The following KDM8 variants were observed in gnomAD, a reference collection of about 807,000 sequenced individuals.
The protein encoded by KDM8 is lysine demethylase 8.
A neutral mutation model predicts 46.9 loss-of-function variants in KDM8; 35 were observed. That is an observed-to-expected ratio of 0.75 (90% CI 0.57 to 0.99). The LOEUF (loss-of-function observed/expected upper bound fraction) is 0.99. Among genes scored for constraint, KDM8 ranks in the 50% least tolerant of loss-of-function variants. The probability of loss-of-function intolerance (pLI) is 0.00; values close to 1 mark genes in which losing one functional copy is unlikely to be tolerated. For missense variants in KDM8, 475 were observed against 537.0 expected (o/e 0.88, Z 1.14); for synonymous variants, 232 against 227.7 (o/e 1.02, Z -0.17).
chr16:27,204,183 G>A (rs2083405771), intron 1 of KDM8: 5 of 1,491,500 alleles, frequency 3.4e-6, no homozygotes, highest in East Asian at 5.6e-5. Flanking sequence ...GGGGTACGGG[G>A]GACCCTCTGG....
intron 1 of KDM8, among the ~76,000 whole-genome samples, chr16:27,205,227 G>C (rs1334124348): frequency 1.3e-5 from 2 of 152,036 alleles, no homozygotes; most frequent in South Asian, 4.1e-4. Context: ...TTTTTGTTTA[G>C]TACGACCAAC....
In KDM8 at chr16:27,210,351, G is replaced by A; in HGVS notation, c.228G>A (p.Trp76Ter). Residue 76 changes from tryptophan to a stop codon, truncating the protein, a stop_gained, in exon 2 of 8, where the codon TGG (tryptophan) becomes TGA (stop). Transcript: ENST00000286096. LOFTEE classifies it high-confidence loss of function. ...QSSEVILDYS[W>*]EKLNTGTWQD... Reference sequence around the variant, plus strand: ...GCGAGGTGATCCTGGACTACTCCTGGGAGAAGCTCAACACGGGCACATGGC... The same window carrying A: ...GCGAGGTGATCCTGGACTACTCCTGAGAGAAGCTCAACACGGGCACATGGC... 7.4e-6 allele frequency: 12 copies of A among 1,613,342 alleles called. No homozygotes were observed. Among genetic ancestry groups the A allele is most frequent in the Non-Finnish European group, 1.0e-5 (12 of 1,180,032 alleles).
chr16:27,218,465 G>A (rs1420332961), intron 5 of KDM8, among the ~76,000 whole-genome samples: 15 of 152,206 alleles, frequency 9.9e-5, no homozygotes, highest in South Asian at 2.1e-4. Context: ...TGCCTTTCTC[G>A]TCAGGCAGTT....
At chr16:27,209,418 C>T (rs1351240752) in intron 1 of KDM8, among the ~76,000 whole-genome samples, 2 of 152,172 alleles carry the variant, frequency 1.3e-5, no homozygotes, top group Non-Finnish European at 2.9e-5. Flanking sequence ...GTAGAGACGG[C>T]GTCTTGCCAT....
At position 27,220,868 on chromosome 16, in the gene KDM8, G is replaced by C. The variant is rs2083615862; in HGVS notation, c.*138G>C. 2 of 1,038,286 alleles carry C rather than the reference G, an allele frequency of 1.9e-6. No homozygotes were observed. Among genetic ancestry groups the C allele is most frequent in the Non-Finnish European group, 2.9e-6 (2 of 678,340 alleles). 64.3% of individuals were successfully genotyped at this position (1,038,286 alleles called of 1,614,324 possible). On this transcript the variant is annotated 3_prime_UTR_variant, in exon 8 of 8. Coordinates refer to ENST00000286096, the MANE Select transcript of KDM8 (RefSeq NM_024773.3). ...CCTTCACTGCCCAGTGGCAGCCCTG[G>C]GGGGCTGAGCTCCAGCACTGGACAG...
chr16:27,206,271 GCTT>G, intron 1 of KDM8: 1 of 945,336 alleles, frequency 1.1e-6, no homozygotes. Context: ...GTGTGCGTGT[GCTT>G]TTTTTTTTTT....
intron 2 of KDM8, chr16:27,211,552 C>T (rs1477158923): frequency 5.1e-6 from 1 of 195,610 alleles, no homozygotes; most frequent in Non-Finnish European, 1.1e-5. Context: ...TGTAGAGTGG[C>T]AGAGTACTGA....
At chr16:27,218,714 G>A (rs1220019005) in intron 5 of KDM8, among the ~76,000 whole-genome samples, 4 of 152,178 alleles carry the variant, frequency 2.6e-5, no homozygotes, top group African/African-American at 9.7e-5. Context: ...GCCGGGTGTG[G>A]TGCATGCTTG....
Position 27,219,071 on chromosome 16 carries a change from C to T in KDM8, c.954C>T (p.Ser318=), listed in dbSNP as rs768058644. 2 of 1,613,450 alleles carry T rather than the reference C, an allele frequency of 1.2e-6. No homozygotes were observed. Among genetic ancestry groups the T allele is most frequent in the East Asian group, 2.2e-5 (1 of 44,844 alleles). ...NAWFGPQGTI[S]PLHQDPQQNF... ...GGTTTGGTCCCCAGGGAACCATCTC[C>T]CCACTACATCAGGATCCCCAGCAAA... The change falls in exon 6 of 8, where the codon TCC becomes TCT. Residue 318 remains serine (S), a synonymous_variant. Transcript: ENST00000286096.
intron 3 of KDM8, 172 bp downstream of exon 3, chr16:27,213,923 A>G: frequency 1.5e-6 from 1 of 653,370 alleles, no homozygotes; most frequent in South Asian, 2.3e-5. Flanking sequence ...GGTGCTCTGA[A>G]TTTATGCCGC....
At chr16:27,209,866 C>T (rs1332322218) in intron 1 of KDM8, among the ~76,000 whole-genome samples, 1 of 152,176 alleles carries the variant, frequency 6.6e-6, no homozygotes, top group Non-Finnish European at 1.5e-5. Flanking sequence ...ACGTTCCTTT[C>T]TGAACAGACG....
rs777489345 is a variant in KDM8 at position 27,210,595 on chromosome 16, T to A, written c.472T>A (p.Ser158Thr). 2.0e-6 allele frequency: 3 copies of A among 1,514,644 alleles called. No homozygotes were observed. In the South Asian group the frequency reaches 4.0e-5, roughly 20 times the overall value. 93.8% of individuals were successfully genotyped at this position (1,514,644 alleles called of 1,614,324 possible). Residue 158 changes from serine to threonine, a missense_variant, in exon 2 of 8, where the codon TCC becomes ACC. Physicochemically the swap from Ser to Thr is moderately conservative, Grantham distance 58. Transcript: ENST00000286096. ...CCCTGGAAAGAGGCCTGCCCGTGGC[T>A]CCCTCCCAGAGCAACCCTGCACAAA... is the stretch of plus-strand genomic sequence containing the variant. ...HLPGKRPARG[S>T]LPEQPCTKKA...
chr16:27,204,356 C>A, intron 1 of KDM8: 1 of 1,346,144 alleles, frequency 7.4e-7, no homozygotes, highest in Non-Finnish European at 9.5e-7. Context: ...GCCACACGGA[C>A]GACCCAAACA....
intron 3 of KDM8, 100 bp from the exon 4 acceptor site, chr16:27,214,776 A>G: frequency 7.4e-7 from 1 of 1,346,682 alleles, no homozygotes; most frequent in South Asian, 1.2e-5. Context: ...TCTGCACGTG[A>G]GGTTTTCCGA....
rs755883966 is a variant in KDM8, at chr16:27,207,364, G to A, written c.-31-2729G>A. 7.9e-5 allele frequency among the ~76,000 whole-genome samples: 12 copies of A among 152,210 alleles called. No homozygotes were observed. The East Asian group carries it at 1.7e-3, about 22-fold the overall frequency. On this transcript the variant is annotated intron_variant, in intron 1 of 7. Coordinates refer to ENST00000286096, the MANE Select transcript of KDM8 (RefSeq NM_024773.3). ...GTGGAGTTTGCAGTGAGCCGAGATCGCATCACTGCACTCCAGACTGGGTGA... is the reference window on the plus strand; with the variant it reads ...GTGGAGTTTGCAGTGAGCCGAGATCACATCACTGCACTCCAGACTGGGTGA...
At position 27,216,044 on chromosome 16, in the gene KDM8, C is replaced by A; in HGVS notation, c.843+55C>A. 1.9e-6 allele frequency: 3 copies of A among 1,585,482 alleles called. No homozygotes were observed. The South Asian group carries it at 3.3e-5, about 18-fold the overall frequency. On this transcript the variant is annotated intron_variant, in intron 5 of 7. Coordinates refer to ENST00000286096, the MANE Select transcript of KDM8 (RefSeq NM_024773.3). ...TCACCGTCTCACCTTCCCCTCTCCT[C>A]CCCTCCTGGGCTCAGTGCGGCTGGA... is the stretch of plus-strand genomic sequence containing the variant.
intron 1 of KDM8, among the ~76,000 whole-genome samples, chr16:27,205,858 CCTT>C (rs1287113429): frequency 1.3e-5 from 2 of 152,108 alleles, no homozygotes; most frequent in Non-Finnish European, 2.9e-5. Flanking sequence ...AATAAAAAAA[CCTT>C]CTGTGATCAA....
chr16:27,205,242 A>C (rs1427001983), intron 1 of KDM8, among the ~76,000 whole-genome samples: 1 of 152,182 alleles, frequency 6.6e-6, no homozygotes, highest in Non-Finnish European at 1.5e-5. Context: ...ACCAACAAGA[A>C]GGCTTTTATA....
chr16:27,218,352 A>C (rs938160259), intron 5 of KDM8, among the ~76,000 whole-genome samples: 2 of 152,154 alleles, frequency 1.3e-5, no homozygotes, highest in Non-Finnish European at 2.9e-5. Flanking sequence ...TGAACATCCA[A>C]GATCGCTTGA....
Sources: allele counts gnomAD v4.1 joint callset (sites outside exome capture counted in the v4.1 genomes callset), GRCh38; gene constraint gnomAD v4.1.1; transcripts MANE v1.5; gene names NCBI Gene and HGNC (gene_info 2026-07-23, HGNC 2026-07-21).